Variants in FARS2 observed in about 807,000 individuals in gnomAD.
FARS2 encodes the protein phenylalanine--tRNA ligase, mitochondrial.
Under a neutral mutation model 46.4 loss-of-function variants are expected in FARS2, and 40 were observed. The ratio of observed to expected loss-of-function variants is 0.86; its 90% CI spans 0.67 to 1.12. The LOEUF (loss-of-function observed/expected upper bound fraction) is 1.12, where lower values mean the gene tolerates loss of function less well. FARS2 is among the 50% of genes most tolerant of loss of function. The pLI is 0.00. For missense variants in FARS2, 513 were observed against 567.9 expected (o/e 0.90, Z 0.98); for synonymous variants, 234 against 214.9 (o/e 1.09, Z -0.78).
chr6:5,771,218 G>C, intron 6 of FARS2, 73 bp from the exon 7 acceptor site: 7 of 1,588,432 alleles, frequency 4.4e-6, no homozygotes, highest in South Asian at 2.2e-5. Context: ...ATCTGGCCAG[G>C]GCAAGCCACA....
chr6:5,740,866 G>A (rs56408174), intron 6 of FARS2, among the ~76,000 whole-genome samples: 1,897 of 152,270 alleles, frequency 0.012, 21 homozygotes, highest in Non-Finnish European at 0.019. Context: ...CAGTGCCTTT[G>A]AGAAGATTAC....
intron 4 of FARS2, among the ~76,000 whole-genome samples, chr6:5,470,505 A>AT (rs1195289392): frequency 3.3e-5 from 5 of 152,352 alleles, no homozygotes; most frequent in Admixed American, 1.3e-4. Flanking sequence ...AGATGTATAC[A>AT]TGTTAAGTAT....
intron 5 of FARS2, among the ~76,000 whole-genome samples, chr6:5,574,217 C>T (rs767055104): frequency 2.5e-4 from 38 of 152,026 alleles, no homozygotes; most frequent in South Asian, 4.2e-4. Context: ...CTGCAGCTCC[C>T]GGGTTCAGCT....
intron 1 of FARS2, among the ~76,000 whole-genome samples, chr6:5,265,102 A>C (rs532808893): frequency 8.6e-5 from 13 of 151,904 alleles, no homozygotes; most frequent in African/African-American, 3.1e-4. Flanking sequence ...CTTGGCCAAT[A>C]ATTTCTTTTT....
intron 6 of FARS2, among the ~76,000 whole-genome samples, chr6:5,634,482 G>T (rs921424355): frequency 1.4e-4 from 22 of 151,930 alleles, no homozygotes; most frequent in African/African-American, 5.1e-4. Flanking sequence ...TTTGTTTTTT[G>T]GTTTTTTTGT....
intron 1 of FARS2, among the ~76,000 whole-genome samples, chr6:5,280,465 G>A (rs999240781): frequency 6.6e-6 from 1 of 152,186 alleles, no homozygotes; most frequent in Non-Finnish European, 1.5e-5. Context: ...GTCTAACTTC[G>A]CCATTGGAAT....
intron 3 of FARS2, among the ~76,000 whole-genome samples, chr6:5,416,825 C>T (rs1762266595): frequency 6.6e-6 from 1 of 152,196 alleles, no homozygotes; most frequent in Non-Finnish European, 1.5e-5. Context: ...CACAGTCTCA[C>T]TTCACTTTGA....
At chr6:5,516,052 G>A (rs1415237600) in intron 4 of FARS2, among the ~76,000 whole-genome samples, 1 of 152,142 alleles carries the variant, frequency 6.6e-6, no homozygotes, top group East Asian at 1.9e-4. Flanking sequence ...TCTTGTTCTT[G>A]CAAATGCTCC....
chr6:5,709,747 C>T (rs112540529), intron 6 of FARS2, among the ~76,000 whole-genome samples: 41 of 143,768 alleles, frequency 2.9e-4, no homozygotes, highest in East Asian at 6.1e-4. Flanking sequence ...TGTGTGTGTG[C>T]GCGCGCGCGT....
chr6:5,274,370 A>G (rs1280080020), intron 1 of FARS2, among the ~76,000 whole-genome samples: 1 of 152,222 alleles, frequency 6.6e-6, no homozygotes, highest in Non-Finnish European at 1.5e-5. Flanking sequence ...AGCCAGGCAT[A>G]GCCACAAGAC....
chr6:5,517,293 A>G (rs1266631455), intron 4 of FARS2, among the ~76,000 whole-genome samples: 2 of 152,172 alleles, frequency 1.3e-5, no homozygotes, highest in African/African-American at 4.8e-5. Flanking sequence ...GGCTTGTTCC[A>G]ACAGATATGT....
chr6:5,444,799 C>A (rs887086480), intron 4 of FARS2, among the ~76,000 whole-genome samples: 1 of 152,136 alleles, frequency 6.6e-6, no homozygotes, highest in Admixed American at 6.5e-5. Flanking sequence ...GGGGAACTGA[C>A]CTAATTTTTG....
At chr6:5,628,549 A>T (rs1186960827) in intron 6 of FARS2, among the ~76,000 whole-genome samples, 1 of 152,234 alleles carries the variant, frequency 6.6e-6, no homozygotes, top group Non-Finnish European at 1.5e-5. Context: ...CACCCAGCAA[A>T]GCTGGGCAGG....
chr6:5,324,285 C>G (rs1770196595), intron 1 of FARS2, among the ~76,000 whole-genome samples: 1 of 152,116 alleles, frequency 6.6e-6, no homozygotes, highest in African/African-American at 2.4e-5. Flanking sequence ...ATATGCATTT[C>G]ACCTGCTTGA....
At chr6:5,369,610 T>A (rs1758912816) in intron 2 of FARS2, among the ~76,000 whole-genome samples, 2 of 152,190 alleles carry the variant, frequency 1.3e-5, no homozygotes, top group African/African-American at 4.8e-5. Flanking sequence ...AATGAATTTC[T>A]TAGGTACCTT....
chr6:5,538,432 C>T (rs967698087), intron 4 of FARS2, among the ~76,000 whole-genome samples: 1 of 151,924 alleles, frequency 6.6e-6, no homozygotes, highest in Non-Finnish European at 1.5e-5. Flanking sequence ...AGAAATGTAC[C>T]CTGAACAGTT....
chr6:5,336,455 C>T (rs928306201), intron 1 of FARS2, among the ~76,000 whole-genome samples: 1 of 151,556 alleles, frequency 6.6e-6, no homozygotes, highest in African/African-American at 2.4e-5. Context: ...AACCTATGGT[C>T]AGATAACCTA....
chr6:5,365,766 C>T (rs1758634959), intron 1 of FARS2, among the ~76,000 whole-genome samples: 1 of 152,016 alleles, frequency 6.6e-6, no homozygotes, highest in Non-Finnish European at 1.5e-5. Flanking sequence ...GGAGGCTTTA[C>T]TGATAACATA....
chr6:5,568,356 A>G (rs552435544), intron 5 of FARS2, among the ~76,000 whole-genome samples: 59 of 152,238 alleles, frequency 3.9e-4, no homozygotes, highest in Non-Finnish European at 6.6e-4. Flanking sequence ...TCCCAAACAC[A>G]AGAGCGTTAT....
Sources: allele counts gnomAD v4.1 joint callset (sites outside exome capture counted in the v4.1 genomes callset), GRCh38; gene constraint gnomAD v4.1.1; transcripts MANE v1.5; gene names NCBI Gene and HGNC (gene_info 2026-07-23, HGNC 2026-07-21).